Variants in TTBK1 observed in about 807,000 individuals in gnomAD.
The protein encoded by TTBK1 is tau-tubulin kinase 1.
Under a neutral mutation model 108.5 loss-of-function variants are expected in TTBK1, and 34 were observed. The observed-to-expected ratio is 0.31, with a 90% confidence interval of 0.24 to 0.42. The LOEUF is 0.42. Ranked by LOEUF, TTBK1 falls within the 10% of genes least tolerant of loss-of-function variation. The probability of loss-of-function intolerance (pLI) is 1.00; values close to 1 mark genes in which losing one functional copy is unlikely to be tolerated. For synonymous variants in TTBK1, 809 were observed against 795.1 expected (o/e 1.02, Z -0.29); for missense variants, 1,539 against 1,826.0 (o/e 0.84, Z 2.86).
chr6:43,283,178 A>T lies in TTBK1; in HGVS notation c.2438A>T (p.Gln813Leu). The T allele has an allele frequency of 6.4e-7, 1 of 1,556,186 alleles. No individual in the cohort carries two copies. The highest frequency in any genetic ancestry group is 8.7e-7 in the Non-Finnish European group (1 of 1,150,346). Residue 813 changes from glutamine to leucine, a missense_variant, in exon 14 of 15, where the codon CAG becomes CTG. Gln to Leu is a moderately radical substitution (Grantham distance 113). This residue lies in a region of TTBK1 where 1,055 missense variants were observed against 1,086.5 expected (regional missense o/e 0.97). Transcript: ENST00000259750. The surrounding 1 kb of genome is among the most constrained non-coding windows in gnomAD (Gnocchi z 8.1). ...GAPSTLLADD[Q>L]KESRGRASMA... Reference sequence around the variant, plus strand: ...CCGTCCACGCTGCTGGCAGACGATCAGAAGGAGTCCAGGGGCCGGGCCTCC... The same window carrying T: ...CCGTCCACGCTGCTGGCAGACGATCTGAAGGAGTCCAGGGGCCGGGCCTCC...
chr6:43,258,938 T>C (rs1777447970), intron 10 of TTBK1, 100 bp from the exon 11 acceptor site: 2 of 820,200 alleles, frequency 2.4e-6, no homozygotes, highest in Non-Finnish European at 1.9e-6. Context: ...CTGTGCCCGC[T>C]CCTGGGGGTG....
chr6:43,283,138 A>G lies in TTBK1; in HGVS notation c.2398A>G (p.Ser800Gly). The change falls in exon 14 of 15, where the codon AGC becomes GGC. Residue 800 changes from serine (S) to glycine (G), a missense_variant. Around this residue, in one of 5 missense-constraint regions of TTBK1, gnomAD observed 1,055 missense variants for 1,086.5 expected, o/e 0.97. Transcript: ENST00000259750. This position sits in a 1 kb window ranked among gnomAD's most constrained non-coding sequence, Gnocchi z 8.1. ...SEGSERSTDRSQEGAPSTLLA... is the reference protein window; with the variant it reads ...SEGSERSTDRGQEGAPSTLLA... ...GGGGAGTGAGAGGAGCACTGACCGG[A>G]GCCAGGAGGGTGCCCCGTCCACGCT... 1 of 1,570,984 alleles carries G rather than the reference A, an allele frequency of 6.4e-7. No individual in the cohort carries two copies. Among genetic ancestry groups the G allele is most frequent in the Non-Finnish European group, 8.6e-7 (1 of 1,158,884 alleles).
intron 13 of TTBK1, among the ~76,000 whole-genome samples, chr6:43,268,706 C>T (rs1777744223): frequency 6.6e-6 from 1 of 152,200 alleles, no homozygotes; most frequent in Non-Finnish European, 1.5e-5. Context: ...CAGGATTCTT[C>T]CAGAAGGCGA....
chr6:43,280,415 A>G (rs1778124212), intron 13 of TTBK1, among the ~76,000 whole-genome samples: 1 of 152,208 alleles, frequency 6.6e-6, no homozygotes, highest in Admixed American at 6.5e-5. Flanking sequence ...GGAGAGAGCT[A>G]ACATTTATTG....
Position 43,253,591 on chromosome 6 carries a change from C to T in TTBK1, c.354C>T (p.Arg118=), listed in dbSNP as rs755379915. 7 of 1,611,582 alleles carry T rather than the reference C, an allele frequency of 4.3e-6. No homozygotes were observed. In the Admixed American group the frequency reaches 1.0e-4, roughly 23 times the overall value. ...AGGGCCGGAACCTGGCCGACCTGCG[C>T]CGTAGCCAGCCGCGAGGCACCTTCA... ...QLQGRNLADL[R]RSQPRGTFTL... The change falls in exon 5 of 15, where the codon CGC becomes CGT. Residue 118 remains arginine, a synonymous_variant. Transcript: ENST00000259750. The surrounding 1 kb of genome is among the most constrained non-coding windows in gnomAD (Gnocchi z 5.8).
chr6:43,284,424 C>T, intron 14 of TTBK1, 112 bp downstream of exon 14: 2 of 1,424,166 alleles, frequency 1.4e-6, no homozygotes, highest in Non-Finnish European at 1.8e-6. Context: ...GAGGGACCCT[C>T]AGTGACACCT....
chr6:43,266,998 CGTGTGTGTGTGTGTGTGTGT>C (rs3997628), intron 13 of TTBK1, among the ~76,000 whole-genome samples: 42 of 128,202 alleles, frequency 3.3e-4, no homozygotes, highest in African/African-American at 6.8e-4. Context: ...CTGGAGCATG[CGTGTGTGTGTGTGTGTGTGT>C]GTGTGTGTGT....
chr6:43,253,664 G>C lies in TTBK1; in HGVS notation c.427G>C (p.Glu143Gln). The C allele has an allele frequency of 1.2e-6, 2 of 1,612,644 alleles. No homozygotes were observed. Among genetic ancestry groups the C allele is most frequent in the Non-Finnish European group, 1.7e-6 (2 of 1,179,644 alleles). ...GGGCAAGCAGATCTTGGAGTCCATC[G>C]AGGCCATCCACTCTGTGGGCTTCCT... ...RLGKQILESI[E>Q]AIHSVGFLHR... The change falls in exon 5 of 15, where the codon GAG becomes CAG. Residue 143 changes from glutamate (E) to glutamine (Q), a missense_variant. Around this residue, in one of 5 missense-constraint regions of TTBK1, gnomAD observed 155 missense variants for 348.5 expected, o/e 0.44. Transcript: ENST00000259750. This position sits in a 1 kb window ranked among gnomAD's most constrained non-coding sequence, Gnocchi z 5.8.
intron 10 of TTBK1, among the ~76,000 whole-genome samples, chr6:43,258,570 G>A (rs748771268): frequency 6.6e-4 from 99 of 151,126 alleles, no homozygotes; most frequent in Non-Finnish European, 1.3e-3. Context: ...TAAAGAACTC[G>A]AAAGTTTAAT....
At position 43,253,221 on chromosome 6, in the gene TTBK1, G is replaced by C; in HGVS notation, c.257-70G>C. The C allele has an allele frequency of 6.5e-7, 1 of 1,544,488 alleles. No homozygotes were observed. Among genetic ancestry groups the C allele is most frequent in the South Asian group, 1.1e-5 (1 of 89,644 alleles). ...GGACCAGGAATCAAGAGTGCACTAG[G>C]AACCCATCTTAGGGTTGGAAATGAG... On this transcript the variant is annotated intron_variant, in intron 3 of 14. Coordinates refer to ENST00000259750, the MANE Select transcript of TTBK1 (RefSeq NM_032538.3). The surrounding 1 kb of genome is among the most constrained non-coding windows in gnomAD (Gnocchi z 5.8).
At chr6:43,275,816 A>G (rs1330746940) in intron 13 of TTBK1, among the ~76,000 whole-genome samples, 2 of 150,658 alleles carry the variant, frequency 1.3e-5, no homozygotes, top group African/African-American at 2.5e-5. Flanking sequence ...CCCCGAAAAT[A>G]AAACTCAGGG....
rs1325699556 is a variant in TTBK1 at position 43,285,000 on chromosome 6, C to T, written c.3590C>T (p.Pro1197Leu). Residue 1197 changes from proline to leucine, a missense_variant, in exon 15 of 15, where the codon CCC becomes CTC. Physicochemically the swap from Pro to Leu is moderately conservative, Grantham distance 98. Around this residue, in one of 5 missense-constraint regions of TTBK1, gnomAD observed 1,055 missense variants for 1,086.5 expected, o/e 0.97. Coordinates refer to ENST00000259750, the MANE Select transcript of TTBK1 (RefSeq NM_032538.3). ...TCAAGCAGGCTCCAGCTGCAGACGC[C>T]CCCAGGGTCGGCCACTGCTGCTGAC... Reference protein sequence around the residue: ...AITSRLQLQTPPGSATAADLR... With the variant: ...AITSRLQLQTLPGSATAADLR... The T allele has an allele frequency of 6.6e-7, 1 of 1,518,044 alleles. No individual in the cohort carries two copies. The highest frequency in any genetic ancestry group is 2.0e-5 in the Admixed American group (1 of 49,478). The allele number at this position is 1,518,044 out of a possible 1,614,324, so 94.0% of individuals were successfully genotyped here. A position where few individuals can be genotyped will look rare whatever the true frequency, so the allele number is the denominator to read the frequency against.
rs762845612 is a variant in TTBK1 at position 43,283,797 on chromosome 6, C to T, written c.3057C>T (p.Ala1019=). 1.2e-6 allele frequency: 2 copies of T among 1,613,570 alleles called. No homozygotes were observed. The highest frequency in any genetic ancestry group is 1.7e-5 in the Admixed American group (1 of 59,992). ...MATNSLPNGP[A]LADGPAPVSP... ...CAAACTCACTGCCCAATGGCCCGGC[C>T]CTTGCAGACGGGCCAGCCCCGGTGT... Residue 1019 remains alanine (A), a synonymous_variant, in exon 14 of 15, where the codon GCC becomes GCT. Coordinates refer to ENST00000259750, the MANE Select transcript of TTBK1 (RefSeq NM_032538.3). The surrounding 1 kb of genome is among the most constrained non-coding windows in gnomAD (Gnocchi z 8.1).
intron 7 of TTBK1, 47 bp downstream of exon 7, chr6:43,255,161 A>C: frequency 1.7e-6 from 1 of 574,774 alleles, no homozygotes. Flanking sequence ...GGGAGGGGCA[A>C]GGTCGGGGTG....
Position 43,259,576 on chromosome 6 carries a change from A to G in TTBK1, c.1294A>G (p.Ser432Gly). Residue 432 changes from serine (S) to glycine (G), a missense_variant, in exon 12 of 15, where the codon AGC (serine) becomes GGC (glycine). Transcript: ENST00000259750. The surrounding 1 kb of genome is among the most constrained non-coding windows in gnomAD (Gnocchi z 6.7). Reference protein sequence around the residue: ...EEQSRGMGVPSSPVRAPPDSP... With the variant: ...EEQSRGMGVPGSPVRAPPDSP... ...ACAGAGCCGAGGCATGGGGGTCCCCAGCTCCCCAGTGCGTGCCCCCCCAGA... is the reference window on the plus strand; with the variant it reads ...ACAGAGCCGAGGCATGGGGGTCCCCGGCTCCCCAGTGCGTGCCCCCCCAGA... The G allele has an allele frequency of 6.2e-7, 1 of 1,606,528 alleles. No homozygotes were observed. The highest frequency in any genetic ancestry group is 8.5e-7 in the Non-Finnish European group (1 of 1,176,720).
intron 13 of TTBK1, among the ~76,000 whole-genome samples, chr6:43,281,416 C>T (rs1174931785): frequency 6.6e-6 from 1 of 150,648 alleles, no homozygotes; most frequent in East Asian, 1.9e-4. Context: ...CTCCTAAGGA[C>T]TGTGGCAGCC....
At chr6:43,266,229 T>C (rs1777673784) in intron 13 of TTBK1, among the ~76,000 whole-genome samples, 1 of 152,220 alleles carries the variant, frequency 6.6e-6, no homozygotes, top group Non-Finnish European at 1.5e-5. Context: ...TGGATGGATG[T>C]GTCCACATGT....
intron 13 of TTBK1, among the ~76,000 whole-genome samples, chr6:43,264,529 T>C (rs1376980694): frequency 6.6e-6 from 1 of 152,188 alleles, no homozygotes; most frequent in African/African-American, 2.4e-5. Flanking sequence ...TGGGTGATGT[T>C]ACCCAAAAGG....
rs1777979468 is a variant in TTBK1 at position 43,276,027 on chromosome 6, GTAAGGAGACGCCTTC to G, written c.1987-6696_1987-6682del. ...GGGGCCCAGCTGAGCCCCTTCCTGC[GTAAGGAGACGCCTTC>G]TAATTGCGGGGTGGGGGCGGAGTAG... On this transcript the variant is annotated intron_variant, in intron 13 of 14. Coordinates refer to ENST00000259750, the MANE Select transcript of TTBK1 (RefSeq NM_032538.3). This position sits in a 1 kb window ranked among gnomAD's most constrained non-coding sequence, Gnocchi z 5.4. Among the ~76,000 whole-genome samples the G allele has an allele frequency of 6.6e-6, 1 of 151,926 alleles. No individual in the cohort carries two copies. The highest frequency in any genetic ancestry group is 2.1e-4 in the South Asian group (1 of 4,818).
Sources: allele counts gnomAD v4.1 joint callset (sites outside exome capture counted in the v4.1 genomes callset), GRCh38; gene constraint gnomAD v4.1.1; regional missense constraint gnomAD v4.1.1; non-coding constraint Gnocchi (gnomAD v3.1); transcripts MANE v1.5; gene names NCBI Gene and HGNC (gene_info 2026-07-23, HGNC 2026-07-21).